CAB39L: variants seen among roughly 807,000 people sequenced by gnomAD.
CAB39L encodes the protein calcium-binding protein 39-like.
In CAB39L, 23 loss-of-function variants were observed where a neutral mutation model predicts 39.1. The observed-to-expected ratio is 0.59, with a 90% CI of 0.42 to 0.83. CAB39L has a LOEUF of 0.83. Among genes scored for constraint, CAB39L ranks in the 40% least tolerant of loss-of-function variants. CAB39L has a pLI of 0.00. For missense variants in CAB39L, 366 were observed against 391.9 expected (o/e 0.93, Z 0.56); for synonymous variants, 126 against 137.2 (o/e 0.92, Z 0.57).
chr13:49,345,537 AT>A (rs1169866531), intron 7 of CAB39L, among the ~76,000 whole-genome samples: 1 of 152,268 alleles, frequency 6.6e-6, no homozygotes, highest in Non-Finnish European at 1.5e-5. Flanking sequence ...AAAGGTCTTG[AT>A]TCAAACTAGT....
intron 3 of CAB39L, among the ~76,000 whole-genome samples, chr13:49,412,633 G>A (rs113460460): frequency 2.0e-5 from 3 of 152,202 alleles, no homozygotes; most frequent in African/African-American, 4.8e-5. Context: ...ACTCAATTAC[G>A]TTAAGCCAGC....
chr13:49,348,180 G>C (rs1327514444), intron 7 of CAB39L, among the ~76,000 whole-genome samples: 2 of 152,116 alleles, frequency 1.3e-5, no homozygotes. Context: ...TGAGGCTTTG[G>C]GGAAATGATG....
At chr13:49,352,734 T>C (rs77224749) in intron 6 of CAB39L, among the ~76,000 whole-genome samples, 1,961 of 152,300 alleles carry the variant, frequency 0.013, 40 homozygotes, top group South Asian at 0.053. Context: ...AGCGAGACTC[T>C]GTCTCCAAAA....
At chr13:49,414,890 G>A (rs1315912984) in intron 3 of CAB39L, among the ~76,000 whole-genome samples, 1 of 151,928 alleles carries the variant, frequency 6.6e-6, no homozygotes, top group Non-Finnish European at 1.5e-5. Flanking sequence ...CATTAAGTAG[G>A]CATTAAAAAA....
chr13:49,396,116 A>G (rs1237340901), intron 3 of CAB39L, among the ~76,000 whole-genome samples: 1 of 151,764 alleles, frequency 6.6e-6, no homozygotes, highest in African/African-American at 2.4e-5. Flanking sequence ...AAACTTAAAA[A>G]AATAACATTT....
chr13:49,315,821 G>C (rs1212829873), intron 10 of CAB39L, among the ~76,000 whole-genome samples: 1 of 149,444 alleles, frequency 6.7e-6, no homozygotes, highest in African/African-American at 2.5e-5. Context: ...GAAGGCGGAG[G>C]TTGCAGTGAG....
chr13:49,365,591 C>T (rs9526548), intron 5 of CAB39L, among the ~76,000 whole-genome samples: 39,576 of 152,014 alleles, frequency 0.26, 5,306 homozygotes, highest in Middle Eastern at 0.31. Context: ...AAAACTACAA[C>T]GAGATATCCT....
intron 3 of CAB39L, among the ~76,000 whole-genome samples, chr13:49,405,763 G>GAAGGAAGGA (rs1566122341): frequency 3.9e-5 from 3 of 76,896 alleles, no homozygotes; most frequent in African/African-American, 8.8e-5. Context: ...GGGAGGGACG[G>GAAGGAAGGA]AGGGACAGAG....
chr13:49,405,595 C>G (rs1354497788), intron 3 of CAB39L, among the ~76,000 whole-genome samples: 3 of 151,898 alleles, frequency 2.0e-5, no homozygotes, highest in Non-Finnish European at 4.4e-5. Flanking sequence ...AATAACATAG[C>G]AAGACCTCAT....
chr13:49,338,488 CTG>C (rs1954910194), intron 9 of CAB39L, among the ~76,000 whole-genome samples: 1 of 115,196 alleles, frequency 8.7e-6, no homozygotes, highest in Admixed American at 1.2e-4. Flanking sequence ...ACATCACACT[CTG>C]GGGACTGTTG....
chr13:49,339,057 T>C (rs1047279623), intron 9 of CAB39L, among the ~76,000 whole-genome samples: 1 of 151,886 alleles, frequency 6.6e-6, no homozygotes, highest in Non-Finnish European at 1.5e-5. Context: ...AAAATACAGA[T>C]ATTAAGAATT....
chr13:49,431,827 T>C (rs180920052), intron 3 of CAB39L, among the ~76,000 whole-genome samples: 1 of 152,344 alleles, frequency 6.6e-6, no homozygotes, highest in African/African-American at 2.4e-5. Flanking sequence ...TAAAAACTTA[T>C]ACATGAATAT....
intron 1 of CAB39L, among the ~76,000 whole-genome samples, chr13:49,437,862 C>T (rs1348624703): frequency 1.3e-5 from 2 of 152,116 alleles, no homozygotes; most frequent in African/African-American, 2.4e-5. Context: ...ACTCTGTTGC[C>T]CAGGCTGGAG....
At chr13:49,348,137 C>A (rs1180920928) in intron 7 of CAB39L, among the ~76,000 whole-genome samples, 3 of 152,076 alleles carry the variant, frequency 2.0e-5, no homozygotes, top group African/African-American at 2.4e-5. Flanking sequence ...CAAACCCGGA[C>A]GCTAGAGGCC....
intron 3 of CAB39L, among the ~76,000 whole-genome samples, chr13:49,419,922 C>T (rs1479362289): frequency 6.6e-6 from 1 of 152,024 alleles, no homozygotes; most frequent in African/African-American, 2.4e-5. Flanking sequence ...ATCAGCAATC[C>T]CAGTACTTAA....
At chr13:49,417,482 C>T (rs1357351125) in intron 3 of CAB39L, among the ~76,000 whole-genome samples, 2 of 152,170 alleles carry the variant, frequency 1.3e-5, no homozygotes, top group African/African-American at 4.8e-5. Context: ...ATAGAAATTA[C>T]ATTTTCCTTC....
At chr13:49,425,257 C>T (rs955392945) in intron 3 of CAB39L, among the ~76,000 whole-genome samples, 1 of 151,678 alleles carries the variant, frequency 6.6e-6, no homozygotes, top group African/African-American at 2.4e-5. Flanking sequence ...AAGAAAAAGA[C>T]AATTTCAATA....
intron 9 of CAB39L, among the ~76,000 whole-genome samples, chr13:49,337,127 G>A (rs1954871380): frequency 1.3e-5 from 2 of 152,192 alleles, no homozygotes; most frequent in Admixed American, 1.3e-4. Flanking sequence ...GACAAAAAAT[G>A]TGATACAAAA....
At chr13:49,328,167 A>G (rs1051493513) in intron 10 of CAB39L, among the ~76,000 whole-genome samples, 1 of 152,218 alleles carries the variant, frequency 6.6e-6, no homozygotes, top group African/African-American at 2.4e-5. Flanking sequence ...CACAGCTTCA[A>G]GAGTTTATTT....
Sources: gnomAD v4.1 joint callset for allele counts (sites outside exome capture counted in the v4.1 genomes callset) on GRCh38, gnomAD v4.1.1 for gene constraint, MANE v1.5 for transcripts, NCBI Gene and HGNC (gene_info 2026-07-23, HGNC 2026-07-21) for gene names.